ADCY2: variants seen among roughly 807,000 people sequenced by gnomAD.
The protein encoded by ADCY2 is adenylate cyclase 2, also known as adenylate cyclase type 2.
ADCY2 carries 31 observed loss-of-function variants against 125.2 expected under a neutral mutation model. That is an observed-to-expected ratio of 0.25 (90% CI 0.19 to 0.33). ADCY2 has a LOEUF of 0.33. ADCY2 is among the 10% of genes least tolerant of loss of function. ADCY2 has a pLI of 1.00. For synonymous variants in ADCY2, 512 were observed against 548.4 expected (o/e 0.93, Z 0.93); for missense variants, 904 against 1,418.2 (o/e 0.64, Z 5.82).
intron 4 of ADCY2, among the ~76,000 whole-genome samples, chr5:7,664,586 G>A (rs139475510): frequency 6.6e-6 from 1 of 152,232 alleles, no homozygotes; most frequent in Non-Finnish European, 1.5e-5. Context: ...TGTATATCAT[G>A]ACTTACTTTC....
At chr5:7,754,286 C>T (rs1742918293) in intron 15 of ADCY2, among the ~76,000 whole-genome samples, 1 of 152,176 alleles carries the variant, frequency 6.6e-6, no homozygotes. Flanking sequence ...TCTTCAAACA[C>T]AGTAACTTGT....
chr5:7,663,422 C>T (rs566305132), intron 4 of ADCY2, among the ~76,000 whole-genome samples: 2 of 152,272 alleles, frequency 1.3e-5, no homozygotes, highest in African/African-American at 2.4e-5. Context: ...CATTGCAGCA[C>T]CTCCCACGGG....
In ADCY2 at chr5:7,402,758, A is replaced by G. The variant is rs78386223; in HGVS notation, c.210+6252A>G. ...GCAATTAAAATATGTTGAGTAAATA[A>G]TTTATTGCATTTGAAACATATAGAC... On this transcript the variant is annotated intron_variant, in intron 1 of 24. Transcript: ENST00000338316. Among the ~76,000 whole-genome samples, 1,353 of 152,318 alleles carry G rather than the reference A, an allele frequency of 8.9e-3. 13 individuals carry two copies. Among genetic ancestry groups the G allele is most frequent in the African/African-American group, 0.031 (1,282 of 41,568 alleles).
intron 3 of ADCY2, among the ~76,000 whole-genome samples, chr5:7,589,506 G>GAAAAGAAAAGAAAAGAAAAGA (rs68115969): frequency 5.3e-5 from 5 of 93,838 alleles, no homozygotes; most frequent in African/African-American, 1.8e-4. Context: ...AAGAAAGAAA[G>GAAAAGAAAAGAAAAGAAAAGA]AAAGAAAAGA....
chr5:7,482,330 G>T (rs1420656089), intron 2 of ADCY2, among the ~76,000 whole-genome samples: 2 of 152,016 alleles, frequency 1.3e-5, no homozygotes, highest in Non-Finnish European at 2.9e-5. Context: ...TTGTATTCTG[G>T]ATATTAGTCC....
intron 3 of ADCY2, among the ~76,000 whole-genome samples, chr5:7,584,977 A>G (rs1216472670): frequency 6.6e-6 from 1 of 152,206 alleles, no homozygotes; most frequent in Non-Finnish European, 1.5e-5. Context: ...AATAGTGGAA[A>G]AAATGTTTTC....
chr5:7,401,693 G>T (rs1321739744), intron 1 of ADCY2, among the ~76,000 whole-genome samples: 1 of 152,192 alleles, frequency 6.6e-6, no homozygotes, highest in Non-Finnish European at 1.5e-5. Context: ...TGTCTGAGAA[G>T]TCCTGGCATA....
chr5:7,499,648 GATATATATATATATAT>G (rs70940741), intron 2 of ADCY2, among the ~76,000 whole-genome samples: 109 of 118,414 alleles, frequency 9.2e-4, no homozygotes, highest in African/African-American at 3.3e-3. Flanking sequence ...TATGTGGGTG[GATATATATATATATAT>G]ATATATATAT....
intron 3 of ADCY2, among the ~76,000 whole-genome samples, chr5:7,598,305 G>A (rs1054469249): frequency 2.0e-5 from 3 of 152,152 alleles, no homozygotes; most frequent in Non-Finnish European, 2.9e-5. Context: ...AAGCAAGGTG[G>A]CTGCAGGGTA....
At chr5:7,567,252 T>TA (rs1451730644) in intron 3 of ADCY2, among the ~76,000 whole-genome samples, 1 of 152,204 alleles carries the variant, frequency 6.6e-6, no homozygotes, top group Non-Finnish European at 1.5e-5. Flanking sequence ...TCTTGATGCT[T>TA]ATGTATTTTG....
chr5:7,635,923 G>A (rs1242824454), intron 4 of ADCY2, among the ~76,000 whole-genome samples: 2 of 152,194 alleles, frequency 1.3e-5, no homozygotes, highest in Middle Eastern at 3.2e-3. Context: ...GTGGTTGTGG[G>A]TTTTTCCCAT....
chr5:7,481,683 T>A (rs1312876450), intron 2 of ADCY2, among the ~76,000 whole-genome samples: 1 of 152,176 alleles, frequency 6.6e-6, no homozygotes, highest in East Asian at 1.9e-4. Flanking sequence ...AATAGAGTTG[T>A]TTGTTATTCT....
intron 4 of ADCY2, among the ~76,000 whole-genome samples, chr5:7,669,696 A>G (rs1739868938): frequency 2.0e-5 from 3 of 152,216 alleles, no homozygotes. Flanking sequence ...ATTTATTATC[A>G]GTGTGTACGT....
At chr5:7,521,832 A>G (rs936806010) in intron 3 of ADCY2, among the ~76,000 whole-genome samples, 13 of 152,188 alleles carry the variant, frequency 8.5e-5, no homozygotes, top group African/African-American at 3.1e-4. Flanking sequence ...TTCAATGCTC[A>G]TCTCCTACTG....
At chr5:7,753,804 T>C (rs187986245) in intron 15 of ADCY2, among the ~76,000 whole-genome samples, 5 of 152,326 alleles carry the variant, frequency 3.3e-5, no homozygotes, top group Admixed American at 3.3e-4. Context: ...TTCATCCCTG[T>C]CATTGCAACT....
At chr5:7,489,497 G>T (rs746345238) in intron 2 of ADCY2, among the ~76,000 whole-genome samples, 1 of 152,104 alleles carries the variant, frequency 6.6e-6, no homozygotes, top group Non-Finnish European at 1.5e-5. Flanking sequence ...CCTGTGCCTG[G>T]CTAGGCATAT....
intron 3 of ADCY2, among the ~76,000 whole-genome samples, chr5:7,607,935 A>G (rs1252305801): frequency 6.6e-6 from 1 of 152,212 alleles, no homozygotes. Context: ...AGACCTGTCA[A>G]CACAGGTAGC....
At chr5:7,744,438 TA>T (rs1398841439) in intron 15 of ADCY2, among the ~76,000 whole-genome samples, 1 of 152,184 alleles carries the variant, frequency 6.6e-6, no homozygotes, top group Non-Finnish European at 1.5e-5. Flanking sequence ...TTTCAAGCTA[TA>T]AAATGTTGGA....
At chr5:7,583,896 T>G (rs1736526564) in intron 3 of ADCY2, among the ~76,000 whole-genome samples, 2 of 151,938 alleles carry the variant, frequency 1.3e-5, no homozygotes, top group Non-Finnish European at 2.9e-5. Context: ...AGCTGAGAAG[T>G]AAAAAGGAAC....
Sources: gnomAD v4.1 joint callset for allele counts (sites outside exome capture counted in the v4.1 genomes callset) on GRCh38, gnomAD v4.1.1 for gene constraint, MANE v1.5 for transcripts, NCBI Gene and HGNC (gene_info 2026-07-23, HGNC 2026-07-21) for gene names.